Variants in DIP2B observed in about 807,000 individuals in gnomAD.
DIP2B encodes DIP2 acetate--CoA ligase B (putative), also known as disco-interacting protein 2 homolog B.
A neutral mutation model predicts 198.0 loss-of-function variants in DIP2B; 76 were observed. That is an observed-to-expected ratio of 0.38 (90% CI 0.32 to 0.46). DIP2B has a LOEUF of 0.46. Among genes scored for constraint, DIP2B ranks in the 20% least tolerant of loss-of-function variants. The pLI, the probability that DIP2B is intolerant of heterozygous loss-of-function variation, is 0.99. For missense variants in DIP2B, 1,559 were observed against 1,978.4 expected (o/e 0.79, Z 4.02); for synonymous variants, 701 against 739.1 (o/e 0.95, Z 0.84).
At chr12:50,587,595 A>G (rs1958781917) in intron 1 of DIP2B, among the ~76,000 whole-genome samples, 2 of 152,288 alleles carry the variant, frequency 1.3e-5, no homozygotes, top group East Asian at 1.9e-4. Context: ...GAATTTGTCA[A>G]TACTCTCTCA....
chr12:50,709,150 GC>G (rs1303024360), intron 22 of DIP2B, among the ~76,000 whole-genome samples: 1 of 152,206 alleles, frequency 6.6e-6, no homozygotes, highest in Non-Finnish European at 1.5e-5. Context: ...CCAGATATGT[GC>G]CCTTGGGCAA....
At chr12:50,698,592 C>T (rs1939360621) in intron 18 of DIP2B, 125 bp downstream of exon 18, 1 of 1,167,198 alleles carries the variant, frequency 8.6e-7, no homozygotes, top group Non-Finnish European at 1.2e-6. Flanking sequence ...TTTAATTTCT[C>T]AGAGCCTCTC....
At chr12:50,531,724 G>A (rs903362694) in intron 1 of DIP2B, among the ~76,000 whole-genome samples, 2 of 152,168 alleles carry the variant, frequency 1.3e-5, no homozygotes, top group African/African-American at 4.8e-5. Flanking sequence ...AAGCCTGGCC[G>A]TGTGAGGTGG....
At position 50,731,589 on chromosome 12, in the gene DIP2B, C is replaced by T. The variant is rs535550299; in HGVS notation, c.3810+52C>T. On this transcript the variant is annotated intron_variant, in intron 31 of 37. Transcript: ENST00000301180. Reference sequence around the variant, plus strand: ...AGTCCCAAAAGGTTCTGAAGAAATGCGCCAGGACGTAACAGGGCCAGAGCA... The same window carrying T: ...AGTCCCAAAAGGTTCTGAAGAAATGTGCCAGGACGTAACAGGGCCAGAGCA... 82 of 1,562,116 alleles carry T rather than the reference C, an allele frequency of 5.2e-5. No homozygotes were observed. The East Asian group carries it at 9.0e-4, about 17-fold the overall frequency.
Position 50,741,405 on chromosome 12 carries a change from C to G in DIP2B, c.4355-11C>G. ...GTCCAAGCCACATTTCTCTCTTTTT[C>G]TTTCTGTCAGAGCGTCATGATGCAT... On this transcript the variant is annotated splice_polypyrimidine_tract_variant and intron_variant, in intron 36 of 37. Coordinates refer to ENST00000301180, the MANE Select transcript of DIP2B (RefSeq NM_173602.3). 1 of 1,612,660 alleles carries G rather than the reference C, an allele frequency of 6.2e-7. No individual in the cohort carries two copies. The highest frequency in any genetic ancestry group is 8.5e-7 in the Non-Finnish European group (1 of 1,179,540).
chr12:50,545,049 C>T (rs1377718790), intron 1 of DIP2B, among the ~76,000 whole-genome samples: 1 of 152,128 alleles, frequency 6.6e-6, no homozygotes, highest in Non-Finnish European at 1.5e-5. Flanking sequence ...GACTGTACCA[C>T]ATTCATTTAT....
At chr12:50,582,768 C>T (rs1396046551) in intron 1 of DIP2B, among the ~76,000 whole-genome samples, 1 of 152,196 alleles carries the variant, frequency 6.6e-6, no homozygotes, top group Non-Finnish European at 1.5e-5. Flanking sequence ...AAACATATTT[C>T]AAGCATTAAC....
At position 50,672,241 on chromosome 12, in the gene DIP2B, T is replaced by G. The variant is rs548717211; in HGVS notation, c.640+843T>G. Among the ~76,000 whole-genome samples, 7 of 152,258 alleles carry G rather than the reference T, an allele frequency of 4.6e-5. No individual in the cohort carries two copies. In the South Asian group the frequency reaches 1.4e-3, roughly 32 times the overall value. Reference sequence around the variant, plus strand: ...TAAAAAAAGAAAAACTTGGAAAAATTTCAATTCAAGACTATAATTTTTAAA... The same window carrying G: ...TAAAAAAAGAAAAACTTGGAAAAATGTCAATTCAAGACTATAATTTTTAAA... On this transcript the variant is annotated intron_variant, in intron 5 of 37. Transcript: ENST00000301180.
At chr12:50,572,014 G>A (rs368909956) in intron 1 of DIP2B, among the ~76,000 whole-genome samples, 3 of 152,134 alleles carry the variant, frequency 2.0e-5, no homozygotes, top group Non-Finnish European at 4.4e-5. Flanking sequence ...CAGCATTGCC[G>A]AAGCCTTCTC....
intron 1 of DIP2B, among the ~76,000 whole-genome samples, chr12:50,543,185 A>G (rs1276050739): frequency 6.6e-6 from 1 of 151,974 alleles, no homozygotes; most frequent in Non-Finnish European, 1.5e-5. Flanking sequence ...AGAGGTGTCA[A>G]TGCTACATAT....
intron 4 of DIP2B, among the ~76,000 whole-genome samples, chr12:50,665,203 C>G (rs1172975062): frequency 6.6e-6 from 1 of 152,104 alleles, no homozygotes; most frequent in African/African-American, 2.4e-5. Flanking sequence ...TTTTAACCTA[C>G]TTTAATAATG....
At chr12:50,563,639 G>C (rs186017384) in intron 1 of DIP2B, among the ~76,000 whole-genome samples, 7 of 151,954 alleles carry the variant, frequency 4.6e-5, no homozygotes, top group Admixed American at 4.6e-4. Context: ...GGGACTACTG[G>C]TGTGGGCCAC....
At chr12:50,521,854 C>G (rs1306767293) in intron 1 of DIP2B, among the ~76,000 whole-genome samples, 1 of 151,820 alleles carries the variant, frequency 6.6e-6, no homozygotes, top group Admixed American at 6.6e-5. Context: ...CTATGTTGCC[C>G]AGGCTTCTTG....
At chr12:50,653,820 TTC>T (rs1938507256) in intron 3 of DIP2B, among the ~76,000 whole-genome samples, 1 of 152,130 alleles carries the variant, frequency 6.6e-6, no homozygotes, top group Admixed American at 6.6e-5. Context: ...CATTTCTCTG[TTC>T]TCTGTTTCAT....
chr12:50,729,051 G>C (rs1939989035), intron 30 of DIP2B, among the ~76,000 whole-genome samples: 2 of 152,238 alleles, frequency 1.3e-5, no homozygotes, highest in South Asian at 4.1e-4. Context: ...CAATGGGATG[G>C]GATGACAGCA....
At chr12:50,561,529 A>G (rs1467843053) in intron 1 of DIP2B, among the ~76,000 whole-genome samples, 1 of 152,138 alleles carries the variant, frequency 6.6e-6, no homozygotes, top group Non-Finnish European at 1.5e-5. Context: ...AACACATTGC[A>G]TCTCAGATAA....
intron 1 of DIP2B, among the ~76,000 whole-genome samples, chr12:50,550,710 A>T (rs187890266): frequency 3.2e-4 from 49 of 152,370 alleles, no homozygotes; most frequent in African/African-American, 1.2e-3. Context: ...GCTTCTCTGC[A>T]GTTAGTAAAT....
At chr12:50,650,643 T>A (rs1017251934) in intron 3 of DIP2B, among the ~76,000 whole-genome samples, 3 of 152,250 alleles carry the variant, frequency 2.0e-5, no homozygotes, top group African/African-American at 4.8e-5. Flanking sequence ...GGGATTCCCT[T>A]ATTTTTTTAA....
intron 1 of DIP2B, among the ~76,000 whole-genome samples, chr12:50,512,477 T>C (rs1565808169): frequency 6.6e-6 from 1 of 152,214 alleles, no homozygotes; most frequent in African/African-American, 2.4e-5. Context: ...ACTATTTATT[T>C]CTTATATTGT....
Sources: allele counts gnomAD v4.1 joint callset (sites outside exome capture counted in the v4.1 genomes callset), GRCh38; gene constraint gnomAD v4.1.1; transcripts MANE v1.5; gene names NCBI Gene and HGNC (gene_info 2026-07-23, HGNC 2026-07-21).